The following TBC1D10A variants were observed in gnomAD, a reference collection of about 807,000 sequenced individuals.
TBC1D10A encodes EBP50-PDX interactor of 64 kDa.
Under a neutral mutation model 52.9 loss-of-function variants are expected in TBC1D10A, and 24 were observed. The observed-to-expected ratio is 0.45, with a 90% CI of 0.33 to 0.64. TBC1D10A has a LOEUF of 0.64. Ranked by LOEUF, TBC1D10A falls within the 30% of genes least tolerant of loss-of-function variation. TBC1D10A has a pLI of 0.02. For missense variants in TBC1D10A, 602 were observed against 687.9 expected (o/e 0.88, Z 1.40); for synonymous variants, 278 against 282.9 (o/e 0.98, Z 0.17).
At chr22:30,295,085 A>ACCGGGG (rs748175951) in intron 4 of TBC1D10A, 30 bp from the exon 5 acceptor site, 4 of 1,604,886 alleles carry the variant, frequency 2.5e-6, no homozygotes, top group Non-Finnish European at 2.6e-6. Flanking sequence ...AGCAGTGATG[A>ACCGGGG]CCGGGGTGAC....
At chr22:30,293,550 T>C (rs1929998884) in intron 8 of TBC1D10A, 101 bp downstream of exon 8, 2 of 1,501,212 alleles carry the variant, frequency 1.3e-6, no homozygotes, top group East Asian at 2.3e-5. Flanking sequence ...GGTCCTGGCA[T>C]AGGATCCACC....
At chr22:30,312,010 C>G (rs1327438530) in intron 1 of TBC1D10A, among the ~76,000 whole-genome samples, 1 of 152,162 alleles carries the variant, frequency 6.6e-6, no homozygotes, top group African/African-American at 2.4e-5. Flanking sequence ...CCAGGCTAGT[C>G]TCAAACTCCT....
At chr22:30,325,796 C>A (rs1010497134) in intron 1 of TBC1D10A, among the ~76,000 whole-genome samples, 2 of 152,128 alleles carry the variant, frequency 1.3e-5, no homozygotes, top group African/African-American at 4.8e-5. Context: ...CCTGCTGTCT[C>A]CCTGCCTGCC....
intron 1 of TBC1D10A, among the ~76,000 whole-genome samples, chr22:30,314,212 C>T (rs73404601): frequency 1.1e-3 from 165 of 152,352 alleles, no homozygotes; most frequent in African/African-American, 3.8e-3. Flanking sequence ...TGTCACTCAA[C>T]TCCACCACCA....
intron 1 of TBC1D10A, among the ~76,000 whole-genome samples, chr22:30,322,894 C>CT (rs34264567): frequency 0.014 from 1,863 of 131,460 alleles, 35 homozygotes; most frequent in African/African-American, 0.043. Flanking sequence ...AGCACCTAGT[C>CT]TTTTTTTTTT....
intron 1 of TBC1D10A, among the ~76,000 whole-genome samples, chr22:30,306,102 T>C (rs2145773371): frequency 6.6e-6 from 1 of 152,352 alleles, no homozygotes; most frequent in South Asian, 2.1e-4. Flanking sequence ...CAGGCCATGA[T>C]ACCTTCCACC....
intron 1 of TBC1D10A, among the ~76,000 whole-genome samples, chr22:30,306,214 T>C (rs1314547296): frequency 6.6e-6 from 1 of 152,218 alleles, no homozygotes; most frequent in Admixed American, 6.5e-5. Flanking sequence ...CTGGCAGTTA[T>C]GGATGTAGAT....
In TBC1D10A at chr22:30,326,543, G is replaced by A. The variant is rs1277771963; in HGVS notation, c.209+130C>T. The A allele has an allele frequency of 4.6e-6, 4 of 875,544 alleles. No homozygotes were observed. The African/African-American group carries it at 5.4e-5, about 12-fold the overall frequency. The allele number at this position is 875,544 out of a possible 1,614,324, so 54.2% of individuals were successfully genotyped here. On this transcript the variant is annotated intron_variant, in intron 1 of 8. Coordinates refer to ENST00000215790, the MANE Select transcript of TBC1D10A (RefSeq NM_031937.3). ...GGCAGGGGTGGTGGGGGTGGGGCAG[G>A]GGAGGGAACGGGGATTAGTGGTCCC...
intron 1 of TBC1D10A, among the ~76,000 whole-genome samples, chr22:30,323,920 G>A (rs977369742): frequency 1.3e-5 from 2 of 152,076 alleles, no homozygotes; most frequent in African/African-American, 4.8e-5. Context: ...GCAGTGAGTT[G>A]AGACTGCGCC....
chr22:30,326,257 A>T (rs1930770360), intron 1 of TBC1D10A, among the ~76,000 whole-genome samples: 1 of 143,998 alleles, frequency 6.9e-6, no homozygotes, highest in South Asian at 2.2e-4. Flanking sequence ...AGGGGGAAAG[A>T]TGGAGAATGA....
intron 2 of TBC1D10A, 137 bp from the exon 3 acceptor site, chr22:30,299,688 C>T (rs746160860): frequency 4.7e-5 from 35 of 752,232 alleles, no homozygotes; most frequent in Non-Finnish European, 6.7e-5. Flanking sequence ...GGACTTTCGC[C>T]GGGCAAGGTG....
In TBC1D10A at chr22:30,304,588, G is replaced by C. The variant is rs1405510294; in HGVS notation, c.252C>G (p.Ser84=). 1 of 1,613,864 alleles carries C rather than the reference G, an allele frequency of 6.2e-7. No individual in the cohort carries two copies. Among genetic ancestry groups the C allele is most frequent in the Non-Finnish European group, 8.5e-7 (1 of 1,179,934 alleles). Residue 84 remains serine (S), a synonymous_variant, in exon 2 of 9, where the codon TCC becomes TCG. Transcript: ENST00000215790. ...VPLEVLRQRE[S]KWLDMLNNWD... ...AGTTGTTGAGCATGTCCAGCCACTT[G>C]GACTCCCTCTGCCTCAGCACCTCCA...
intron 3 of TBC1D10A, chr22:30,298,575 G>A (rs143389664): frequency 6.6e-6 from 1 of 152,432 alleles, no homozygotes; most frequent in East Asian, 1.9e-4. Flanking sequence ...CAAAGAGCTG[G>A]TGGTAGGCAG....
intron 2 of TBC1D10A, among the ~76,000 whole-genome samples, chr22:30,302,799 G>T (rs750810558): frequency 6.6e-6 from 1 of 152,202 alleles, no homozygotes; most frequent in Admixed American, 6.5e-5. Context: ...GGTGCTCCCC[G>T]AAGCTCCCCT....
rs374789075 is a variant in TBC1D10A, at chr22:30,294,958, T to C, written c.622A>G (p.Met208Val). ...GGTGGTACCTCAGCAGGCATATGCA[T>C]GAGCAAGACAGCGGCAATGGGCGCC... ...AQAPIAAVLL[M>V]HMPAEQAFWC... The change falls in exon 5 of 9, where the codon ATG becomes GTG. Residue 208 changes from methionine to valine, a missense_variant. Transcript: ENST00000215790. 12 of 1,613,904 alleles carry C rather than the reference T, an allele frequency of 7.4e-6. No individual in the cohort carries two copies. The African/African-American group carries it at 1.5e-4, about 20-fold the overall frequency.
At chr22:30,298,110 C>G (rs1930122914) in intron 3 of TBC1D10A, 1 of 152,242 alleles carries the variant, frequency 6.6e-6, no homozygotes, top group Admixed American at 6.5e-5. Context: ...CTGCTGCACA[C>G]ACACTCATGC....
In TBC1D10A at chr22:30,292,374, G is replaced by GT; in HGVS notation, c.1527dup. 6.5e-7 allele frequency: 1 copy of GT among 1,535,988 alleles called. No homozygotes were observed. Among genetic ancestry groups the GT allele is most frequent in the East Asian group, 2.3e-5 (1 of 44,146 alleles). On this transcript the variant is annotated 3_prime_UTR_variant, in exon 9 of 9. Coordinates refer to ENST00000215790, the MANE Select transcript of TBC1D10A (RefSeq NM_031937.3). The stretch of plus-strand genomic sequence containing the variant: ...CGCCCTGGAGGCCTTAGCTGCCAGG[G>GT]TTACAAGTAGGTGTCCTCACTCTCT...
intron 1 of TBC1D10A, among the ~76,000 whole-genome samples, chr22:30,315,367 C>T (rs778761351): frequency 6.6e-6 from 1 of 152,206 alleles, no homozygotes; most frequent in Non-Finnish European, 1.5e-5. Flanking sequence ...GCTTTACCAA[C>T]AACATCTCCC....
intron 3 of TBC1D10A, chr22:30,298,633 G>A (rs575900809): frequency 2.0e-5 from 3 of 152,440 alleles, no homozygotes; most frequent in South Asian, 2.1e-4. Flanking sequence ...AAGGGCCTGC[G>A]AGAAACCCCG....
Sources: gnomAD v4.1 joint callset for allele counts (sites outside exome capture counted in the v4.1 genomes callset) on GRCh38, gnomAD v4.1.1 for gene constraint, MANE v1.5 for transcripts, NCBI Gene and HGNC (gene_info 2026-07-23, HGNC 2026-07-21) for gene names.